Variants in SLC14A2 observed in about 807,000 individuals in gnomAD.
SLC14A2 encodes the protein solute carrier family 14 member 2.
SLC14A2 carries 91 observed loss-of-function variants against 104.6 expected under a neutral mutation model. The observed-to-expected ratio is 0.87, with a 90% CI of 0.73 to 1.04. The LOEUF (loss-of-function observed/expected upper bound fraction) is 1.04, where lower values mean the gene tolerates loss of function less well. Ranked by LOEUF, SLC14A2 falls within the 50% of genes least tolerant of loss-of-function variation. The pLI is 0.00. For missense variants in SLC14A2, 1,189 were observed against 1,156.0 expected, an observed-to-expected ratio of 1.03 and a Z score of -0.41; for synonymous variants, 476 against 466.4, an observed-to-expected ratio of 1.02 and a Z score of -0.27.
At chr18:45,424,881 C>T (rs1325320934) in intron 1 of SLC14A2, among the ~76,000 whole-genome samples, 2 of 152,166 alleles carry the variant, frequency 1.3e-5, no homozygotes, top group African/African-American at 4.8e-5. Context: ...TATTTAAAAA[C>T]CATTACCTCA....
Position 45,681,355 on chromosome 18 carries a change from C to T in SLC14A2, c.2563-964C>T, listed in dbSNP as rs1302540707. Among the ~76,000 whole-genome samples, 6 of 2,302 alleles carry T rather than the reference C, an allele frequency of 2.6e-3. 2 individuals carry two copies. Among genetic ancestry groups the T allele is most frequent in the African/African-American group, 2.7e-3 (6 of 2,260 alleles). The allele number at this position is 2,302 out of a possible 152,430, so 1.5% of individuals were successfully genotyped here. On this transcript the variant is annotated intron_variant, in intron 19 of 19. Coordinates refer to ENST00000255226, the MANE Select transcript of SLC14A2 (RefSeq NM_007163.4). ...CTGGGATTACAGGCGTGAGCCACCG[C>T]GCCCGGCCCTGAGGTTTTTACTGCT...
At chr18:45,579,848 G>A (rs1217645916) in intron 2 of SLC14A2, among the ~76,000 whole-genome samples, 2 of 152,224 alleles carry the variant, frequency 1.3e-5, no homozygotes, top group Non-Finnish European at 2.9e-5. Flanking sequence ...AGTCTTTGCA[G>A]CTAAAGTAAA....
chr18:45,518,803 T>C (rs1372221866), intron 2 of SLC14A2, among the ~76,000 whole-genome samples: 1 of 152,226 alleles, frequency 6.6e-6, no homozygotes, highest in African/African-American at 2.4e-5. Flanking sequence ...GGTTTTCTGA[T>C]ACCTCTTCAA....
At chr18:45,193,476 A>G in the SLC14A2 span, among the ~76,000 whole-genome samples, 11 of 152,282 alleles carry the variant, frequency 7.2e-5, no homozygotes, top group East Asian at 1.9e-3. Context: ...AGGAAATATC[A>G]TCTTTCCACA....
chr18:45,400,589 T>C (rs59361779), intron 1 of SLC14A2, among the ~76,000 whole-genome samples: 38,061 of 152,176 alleles, frequency 0.25, 5,107 homozygotes, highest in Admixed American at 0.33. Flanking sequence ...TCTGTGGAGA[T>C]ACTTTGAGAT....
chr18:45,498,616 T>C (rs762058374), intron 2 of SLC14A2, among the ~76,000 whole-genome samples: 3 of 152,218 alleles, frequency 2.0e-5, no homozygotes, highest in Non-Finnish European at 2.9e-5. Flanking sequence ...CTGTCAGATC[T>C]GCTCTGAAGT....
chr18:45,201,232 C>T, the SLC14A2 span, among the ~76,000 whole-genome samples: 1 of 151,980 alleles, frequency 6.6e-6, no homozygotes, highest in Non-Finnish European at 1.5e-5. Flanking sequence ...GTCAGGAAAT[C>T]TCCCCTTTCC....
At chr18:45,290,679 G>A (rs1392920826) in intron 1 of SLC14A2, among the ~76,000 whole-genome samples, 2 of 152,210 alleles carry the variant, frequency 1.3e-5, no homozygotes, top group African/African-American at 2.4e-5. Context: ...GAGAAAGCAT[G>A]TAAACTATCT....
At chr18:45,682,092 C>A (rs985891801) in intron 19 of SLC14A2, among the ~76,000 whole-genome samples, 1 of 152,168 alleles carries the variant, frequency 6.6e-6, no homozygotes, top group Admixed American at 6.5e-5. Flanking sequence ...GCATATTAGC[C>A]CAACTATTAG....
rs78742488 is a variant in SLC14A2, at chr18:45,224,929, C to T, written c.-125+11738C>T. On this transcript the variant is annotated intron_variant, in intron 1 of 20. Transcript: ENST00000586448. ...TGGGTAGATTGTAAAAATTTTCTCC[C>T]ATTCTGTAGGTTGCCTATTCACTCT... 1.0e-2 allele frequency among the ~76,000 whole-genome samples: 1,515 copies of T among 152,246 alleles called. 60 individuals are homozygous for T. The East Asian group carries it at 0.11, about 11-fold the overall frequency.
chr18:45,291,264 G>A (rs1395039554), intron 1 of SLC14A2, among the ~76,000 whole-genome samples: 1 of 152,046 alleles, frequency 6.6e-6, no homozygotes, highest in Non-Finnish European at 1.5e-5. Context: ...TTCAAATTGG[G>A]AGACTACTTC....
chr18:45,224,679 G>A (rs917774686), intron 1 of SLC14A2, among the ~76,000 whole-genome samples: 1 of 152,174 alleles, frequency 6.6e-6, no homozygotes, highest in Non-Finnish European at 1.5e-5. Context: ...ATTTATATGA[G>A]CATAGAACAC....
chr18:45,229,490 G>A (rs1224391027), intron 1 of SLC14A2, among the ~76,000 whole-genome samples: 3 of 152,034 alleles, frequency 2.0e-5, no homozygotes, highest in East Asian at 1.9e-4. Flanking sequence ...TAGGTCAGGC[G>A]AGAGCTAAAC....
chr18:45,493,922 G>A (rs1372676248), intron 2 of SLC14A2, among the ~76,000 whole-genome samples: 1 of 152,172 alleles, frequency 6.6e-6, no homozygotes. Context: ...ACTGCATAAA[G>A]GCTAAATAGA....
At chr18:45,311,927 T>C (rs2085083307) in intron 1 of SLC14A2, among the ~76,000 whole-genome samples, 1 of 152,066 alleles carries the variant, frequency 6.6e-6, no homozygotes, top group Admixed American at 6.5e-5. Context: ...AGAACAGAAA[T>C]GAAATAAGCC....
chr18:45,616,629 G>C (rs986988007), intron 1 of SLC14A2, among the ~76,000 whole-genome samples: 1 of 152,202 alleles, frequency 6.6e-6, no homozygotes, highest in Non-Finnish European at 1.5e-5. Flanking sequence ...GCGTTGGGGA[G>C]GGCCTGGCTT....
At chr18:45,648,676 A>G (rs1399282227) in intron 10 of SLC14A2, among the ~76,000 whole-genome samples, 1 of 152,076 alleles carries the variant, frequency 6.6e-6, no homozygotes, top group African/African-American at 2.4e-5. Flanking sequence ...AATGTTTCAT[A>G]TTTTTACCTA....
chr18:45,628,088 C>T (rs1360364476), intron 4 of SLC14A2, among the ~76,000 whole-genome samples: 3 of 151,766 alleles, frequency 2.0e-5, no homozygotes, highest in South Asian at 2.1e-4. Flanking sequence ...GAGACTTTGC[C>T]GTATATTTTT....
intron 12 of SLC14A2, 119 bp downstream of exon 12, chr18:45,666,338 C>T (rs772243697): frequency 1.7e-5 from 11 of 652,614 alleles, no homozygotes; most frequent in African/African-American, 5.4e-5. Context: ...TTCTTGCATT[C>T]GTATTTTCTG....
Sources: allele counts gnomAD v4.1 joint callset (sites outside exome capture counted in the v4.1 genomes callset), GRCh38; gene constraint gnomAD v4.1.1; transcripts MANE v1.5; gene names NCBI Gene and HGNC (gene_info 2026-07-23, HGNC 2026-07-21).